The following CSGALNACT1 variants were observed in gnomAD, a reference collection of about 807,000 sequenced individuals.
The protein encoded by CSGALNACT1 is beta4GalNAcT-1.
CSGALNACT1 carries 52 observed loss-of-function variants against 51.0 expected under a neutral mutation model. The ratio of observed to expected loss-of-function variants is 1.02; its 90% CI spans 0.82 to 1.29. The LOEUF is 1.29. Among genes scored for constraint, CSGALNACT1 ranks in the 50% most tolerant of loss-of-function variants. The pLI, the probability that CSGALNACT1 is intolerant of heterozygous loss-of-function variation, is 0.00. For missense variants in CSGALNACT1, 935 were observed against 679.2 expected (o/e 1.38, Z -4.19); for synonymous variants, 341 against 254.4 (o/e 1.34, Z -3.24).
chr8:19,572,829 C>A (rs189630094), intron 3 of CSGALNACT1, among the ~76,000 whole-genome samples: 1 of 152,136 alleles, frequency 6.6e-6, no homozygotes, highest in East Asian at 1.9e-4. Flanking sequence ...CCACAAAACA[C>A]AAAAGAGACT....
intron 1 of CSGALNACT1, among the ~76,000 whole-genome samples, chr8:19,681,494 G>A (rs906458371): frequency 6.6e-6 from 1 of 152,206 alleles, no homozygotes; most frequent in Non-Finnish European, 1.5e-5. Context: ...AGGGACCTGG[G>A]AGGAGAGAGG....
At chr8:19,652,610 G>A (rs1020288825) in intron 1 of CSGALNACT1, among the ~76,000 whole-genome samples, 1 of 151,956 alleles carries the variant, frequency 6.6e-6, no homozygotes, top group Non-Finnish European at 1.5e-5. Context: ...AAAACATAAT[G>A]AGCCCCATCT....
upstream of CSGALNACT1, among the ~76,000 whole-genome samples, chr8:19,607,454 C>G (rs1441137782): frequency 6.6e-6 from 1 of 152,202 alleles, no homozygotes; most frequent in Non-Finnish European, 1.5e-5. Flanking sequence ...AGTGAAGATA[C>G]AGACAGCTGA....
rs539823659 is a variant in CSGALNACT1, at chr8:19,690,948, T to G, written c.-297+66902A>C. On this transcript the variant is annotated intron_variant, in intron 1 of 1. Coordinates refer to the CSGALNACT1 transcript ENST00000517494. ...GCCTTATTAAAAATCTCCATGGCAC[T>G]GGGCACTGTGGCTCATGTCTGTAAT... Among the ~76,000 whole-genome samples, 5 of 152,288 alleles carry G rather than the reference T, an allele frequency of 3.3e-5. No individual in the cohort carries two copies. The South Asian group carries it at 8.3e-4, about 25-fold the overall frequency.
chr8:19,597,285 C>CTTTTT, intron 2 of CSGALNACT1, among the ~76,000 whole-genome samples: 1 of 64,530 alleles, frequency 1.5e-5, no homozygotes, highest in Non-Finnish European at 2.6e-5. Context: ...TATCTTCTTT[C>CTTTTT]TTTTTTTTTT....
chr8:19,527,329 A>G (rs897539992), intron 3 of CSGALNACT1, among the ~76,000 whole-genome samples: 3 of 152,194 alleles, frequency 2.0e-5, no homozygotes, highest in Non-Finnish European at 4.4e-5. Flanking sequence ...GGCCAGGAAC[A>G]GTGGCTCACA....
In CSGALNACT1 at chr8:19,719,328, T is replaced by C. The variant is rs557813539; in HGVS notation, c.-297+38522A>G. On this transcript the variant is annotated intron_variant, in intron 1 of 1. Transcript: ENST00000517494. Reference sequence around the variant, plus strand: ...TTTCCCATGCCTGGCACAGACTCCCTGTACTCCCTGTGATGCGAGGTTGAC... The same window carrying C: ...TTTCCCATGCCTGGCACAGACTCCCCGTACTCCCTGTGATGCGAGGTTGAC... Among the ~76,000 whole-genome samples, 10 of 152,326 alleles carry C rather than the reference T, an allele frequency of 6.6e-5. No individual in the cohort carries two copies. The South Asian group carries it at 2.1e-3, about 32-fold the overall frequency.
At chr8:19,461,587 G>T (rs765645178) in intron 4 of CSGALNACT1, among the ~76,000 whole-genome samples, 32 of 88,226 alleles carry the variant, frequency 3.6e-4, no homozygotes, top group Admixed American at 9.9e-4. Context: ...TCACCATGGG[G>T]GGCGTATCCG....
Position 19,517,101 on chromosome 8 carries a change from C to T in CSGALNACT1, c.-296-10971G>A, listed in dbSNP as rs187917383. On this transcript the variant is annotated intron_variant, in intron 3 of 9. Coordinates refer to ENST00000454498, the Ensembl canonical transcript of CSGALNACT1. ...GAAGCATCTCAACTAAAAAGCATCA[C>T]GGCAAGTAGAATTTTTAAGCAACTA... 5.1e-3 allele frequency among the ~76,000 whole-genome samples: 770 copies of T among 152,198 alleles called. 5 individuals are homozygous for T. Among genetic ancestry groups the T allele is most frequent in the Non-Finnish European group, 8.1e-3 (552 of 68,006 alleles).
At chr8:19,508,428 G>A (rs1408520280) in intron 3 of CSGALNACT1, among the ~76,000 whole-genome samples, 1 of 152,158 alleles carries the variant, frequency 6.6e-6, no homozygotes, top group African/African-American at 2.4e-5. Flanking sequence ...ACAACACACA[G>A]TTATTAGTGC....
intron 3 of CSGALNACT1, among the ~76,000 whole-genome samples, chr8:19,553,639 A>ATATAT (rs869251447): frequency 7.9e-6 from 1 of 126,610 alleles, no homozygotes. Context: ...ATATATATAT[A>ATATAT]AAAAAATATG....
intron 1 of CSGALNACT1, among the ~76,000 whole-genome samples, chr8:19,642,852 G>T (rs1454057396): frequency 1.3e-5 from 2 of 151,008 alleles, no homozygotes; most frequent in African/African-American, 2.4e-5. Flanking sequence ...CAAAAAAATT[G>T]CTGGGTCAGT....
chr8:19,448,150 G>A (rs1287646701), intron 5 of CSGALNACT1, among the ~76,000 whole-genome samples: 2 of 152,168 alleles, frequency 1.3e-5, no homozygotes, highest in Non-Finnish European at 2.9e-5. Flanking sequence ...AGAGAAGGTT[G>A]GAGATCTTGC....
chr8:19,525,328 G>A (rs1005282250), intron 3 of CSGALNACT1, among the ~76,000 whole-genome samples: 1 of 152,052 alleles, frequency 6.6e-6, no homozygotes, highest in African/African-American at 2.4e-5. Context: ...GAATGGCTGG[G>A]CATGGTGGCC....
At chr8:19,696,446 G>A (rs968483362) in intron 1 of CSGALNACT1, among the ~76,000 whole-genome samples, 1 of 152,168 alleles carries the variant, frequency 6.6e-6, no homozygotes, top group African/African-American at 2.4e-5. Flanking sequence ...ATACATAATT[G>A]GAACAGGGCA....
intron 1 of CSGALNACT1, among the ~76,000 whole-genome samples, chr8:19,672,513 T>C (rs2059872139): frequency 6.6e-6 from 1 of 152,232 alleles, no homozygotes; most frequent in African/African-American, 2.4e-5. Context: ...GCCTTTAGGA[T>C]GCTGGAAACC....
intron 6 of CSGALNACT1, among the ~76,000 whole-genome samples, chr8:19,437,738 T>G (rs2060613862): frequency 6.6e-6 from 1 of 152,200 alleles, no homozygotes; most frequent in Non-Finnish European, 1.5e-5. Context: ...GGGTTAATTT[T>G]GCCAAAGTTT....
intron 1 of CSGALNACT1, among the ~76,000 whole-genome samples, chr8:19,651,459 T>C (rs2057795464): frequency 6.6e-6 from 1 of 152,166 alleles, no homozygotes; most frequent in Non-Finnish European, 1.5e-5. Context: ...TGTTTCTATC[T>C]TTGTGTTCAT....
In CSGALNACT1 at chr8:19,479,762, GAAAAAAAAAAAAAAAAA is replaced by G. The variant is rs2070821341; in HGVS notation, c.635-21137_635-21121del. On this transcript the variant is annotated intron_variant, in intron 4 of 9. Coordinates refer to ENST00000454498, the Ensembl canonical transcript of CSGALNACT1. ...AGGAAAAGCCGTATTTCTTGACTTA[GAAAAAAAAAAAAAAAAA>G]GATTCCTCTCCGTAGATCACACTAA... Among the ~76,000 whole-genome samples the G allele has an allele frequency of 2.3e-4, 20 of 87,928 alleles. No individual in the cohort carries two copies. The South Asian group carries it at 4.5e-3, about 20-fold the overall frequency. The allele number at this position is 87,928 out of a possible 152,430, so 57.7% of individuals were successfully genotyped here.
Sources: allele counts gnomAD v4.1 joint callset (sites outside exome capture counted in the v4.1 genomes callset), GRCh38; gene constraint gnomAD v4.1.1; transcripts MANE v1.5; gene names NCBI Gene and HGNC (gene_info 2026-07-23, HGNC 2026-07-21).